The following FER1L6 variants were observed in gnomAD, a reference collection of about 807,000 sequenced individuals.
FER1L6 encodes the protein fer-1 like family member 6, also known as fer-1-like protein 6.
FER1L6 carries 177 observed loss-of-function variants against 219.2 expected under a neutral mutation model. The observed-to-expected ratio is 0.81, with a 90% CI of 0.71 to 0.91. The LOEUF (loss-of-function observed/expected upper bound fraction) is 0.91. Ranked by LOEUF, FER1L6 falls within the 40% of genes least tolerant of loss-of-function variation. FER1L6 has a pLI of 0.00. For missense variants in FER1L6, 2,153 were observed against 2,259.9 expected (o/e 0.95, Z 0.96); for synonymous variants, 768 against 824.3 (o/e 0.93, Z 1.17).
chr8:124,041,856 C>T (rs1471405874), intron 20 of FER1L6, among the ~76,000 whole-genome samples: 1 of 152,226 alleles, frequency 6.6e-6, no homozygotes, highest in African/African-American at 2.4e-5. Context: ...AAAATCCACG[C>T]TCTTCCATTT....
chr8:123,995,295 T>A (rs1421847509), intron 12 of FER1L6, among the ~76,000 whole-genome samples: 4 of 152,256 alleles, frequency 2.6e-5, no homozygotes, highest in Non-Finnish European at 5.9e-5. Flanking sequence ...ACTGAAGCCA[T>A]GGGGTCCTGG....
intron 33 of FER1L6, among the ~76,000 whole-genome samples, chr8:124,085,765 G>A (rs4623400): frequency 0.85 from 129,354 of 152,122 alleles, 55,219 homozygotes; most frequent in Non-Finnish European, 0.89. Flanking sequence ...ATTATGTCCA[G>A]TGTTTCTTGG....
intron 34 of FER1L6, among the ~76,000 whole-genome samples, chr8:124,091,812 C>T (rs1822044970): frequency 6.6e-6 from 1 of 151,548 alleles, no homozygotes; most frequent in Admixed American, 6.6e-5. Context: ...ACTAAAAATA[C>T]AAAAAGTAGC....
At chr8:124,093,488 T>C (rs1822139776) in intron 34 of FER1L6, among the ~76,000 whole-genome samples, 1 of 152,094 alleles carries the variant, frequency 6.6e-6, no homozygotes, top group African/African-American at 2.4e-5. Flanking sequence ...TACCTTGTTA[T>C]TTCAAGCCCA....
At chr8:124,110,884 C>G (rs929227846) in intron 39 of FER1L6, among the ~76,000 whole-genome samples, 1 of 151,794 alleles carries the variant, frequency 6.6e-6, no homozygotes, top group Non-Finnish European at 1.5e-5. Context: ...GTTATCAGTG[C>G]CCCCCCTCCC....
chr8:124,045,258 C>A (rs1031175452), intron 20 of FER1L6, among the ~76,000 whole-genome samples: 1 of 152,184 alleles, frequency 6.6e-6, no homozygotes, highest in Non-Finnish European at 1.5e-5. Context: ...AGGTTAGCAG[C>A]CTGCCTGGGC....
intron 32 of FER1L6, among the ~76,000 whole-genome samples, chr8:124,076,942 G>A (rs1247641864): frequency 6.6e-6 from 1 of 152,198 alleles, no homozygotes; most frequent in Non-Finnish European, 1.5e-5. Context: ...AGTGTTAAAA[G>A]CTATTGCATT....
intron 1 of FER1L6, among the ~76,000 whole-genome samples, chr8:123,918,409 G>C (rs1025032517): frequency 1.3e-5 from 2 of 152,018 alleles, no homozygotes; most frequent in South Asian, 4.1e-4. Context: ...ATAAGTATTT[G>C]AGACAGTTCC....
At chr8:123,928,448 TCTG>T (rs551345623) in intron 1 of FER1L6, among the ~76,000 whole-genome samples, 124 of 152,324 alleles carry the variant, frequency 8.1e-4, no homozygotes, top group African/African-American at 2.6e-3. Flanking sequence ...GTAGAACCAT[TCTG>T]CTGTGGGGAA....
chr8:124,103,498 A>G (rs1021681852), intron 39 of FER1L6, among the ~76,000 whole-genome samples, 189 bp downstream of exon 39: 1 of 152,208 alleles, frequency 6.6e-6, no homozygotes, highest in Non-Finnish European at 1.5e-5. Flanking sequence ...ATCTATGTTG[A>G]GGTGATTTTC....
intron 12 of FER1L6, among the ~76,000 whole-genome samples, chr8:123,999,798 C>G (rs1203246438): frequency 1.3e-5 from 2 of 152,172 alleles, no homozygotes; most frequent in African/African-American, 4.8e-5. Context: ...CGTCTTTACT[C>G]TCCTCTCTCC....
At chr8:124,050,983 T>C (rs1439627667) in intron 22 of FER1L6, among the ~76,000 whole-genome samples, 3 of 152,016 alleles carry the variant, frequency 2.0e-5, no homozygotes, top group Non-Finnish European at 4.4e-5. Context: ...ACAAAAAACA[T>C]CAAATAAAGC....
chr8:124,060,181 T>C lies in FER1L6; in HGVS notation c.2876T>C (p.Val959Ala). Residue 959 changes from valine (V) to alanine (A), a missense_variant and splice_region_variant, in exon 23 of 41, where the codon GTT (valine) becomes GCT (alanine). Coordinates refer to ENST00000522917, the MANE Select transcript of FER1L6 (RefSeq NM_001039112.2). ...DLLAVFELLQ[V>A]PPSGLQGLPP... ...ACTCATACTTGCCTTGTGCGGTAGG[T>C]TCCTCCTTCTGGGCTGCAAGGCCTC... The C allele has an allele frequency of 1.2e-6, 2 of 1,613,354 alleles. No individual in the cohort carries two copies. The highest frequency in any genetic ancestry group is 1.7e-6 in the Non-Finnish European group (2 of 1,179,326).
chr8:123,935,126 C>A (rs1015249743), intron 1 of FER1L6, among the ~76,000 whole-genome samples: 1 of 152,144 alleles, frequency 6.6e-6, no homozygotes, highest in African/African-American at 2.4e-5. Context: ...AAAATGGTGA[C>A]TTAAGTTTTT....
At position 123,894,008 on chromosome 8, in the gene FER1L6, A is replaced by G. The variant is rs1482486208; in HGVS notation, c.-8+41823A>G. Among the ~76,000 whole-genome samples the G allele has an allele frequency of 2.0e-5, 3 of 152,174 alleles. No homozygotes were observed. The East Asian group carries it at 5.8e-4, about 29-fold the overall frequency. On this transcript the variant is annotated intron_variant, in intron 1 of 40. Transcript: ENST00000522917. ...AGCAGCCAGAAAGATCATCAGCCAG[A>G]TTTCCAGTGATCGAAGACTTGATAA...
chr8:123,874,928 G>A (rs1431776972), intron 1 of FER1L6, among the ~76,000 whole-genome samples: 1 of 152,066 alleles, frequency 6.6e-6, no homozygotes, highest in Non-Finnish European at 1.5e-5. Context: ...CTAGTGTGGT[G>A]GCTTACACCT....
chr8:123,922,978 C>G (rs1034125894), intron 1 of FER1L6, among the ~76,000 whole-genome samples: 2 of 152,268 alleles, frequency 1.3e-5, no homozygotes, highest in East Asian at 1.9e-4. Flanking sequence ...TACAGCCCCC[C>G]CCCAGACCCC....
At chr8:123,898,657 A>ATATG (rs1043461172) in intron 1 of FER1L6, among the ~76,000 whole-genome samples, 1 of 142,560 alleles carries the variant, frequency 7.0e-6, no homozygotes, top group Admixed American at 7.0e-5. Flanking sequence ...ATATATATAT[A>ATATG]TGTATATATA....
chr8:124,061,641 C>A (rs6470215), intron 24 of FER1L6, among the ~76,000 whole-genome samples: 2 of 152,066 alleles, frequency 1.3e-5, no homozygotes. Context: ...TTTAAACCTG[C>A]GACAAATTGT....
Sources: allele counts gnomAD v4.1 joint callset (sites outside exome capture counted in the v4.1 genomes callset), GRCh38; gene constraint gnomAD v4.1.1; transcripts MANE v1.5; gene names NCBI Gene and HGNC (gene_info 2026-07-23, HGNC 2026-07-21).